The following MBTPS1 variants were observed in gnomAD, a reference collection of about 807,000 sequenced individuals.
The protein encoded by MBTPS1 is membrane-bound transcription factor site-1 protease.
Under a neutral mutation model 127.8 loss-of-function variants are expected in MBTPS1, and 94 were observed. The observed-to-expected ratio is 0.74, with a 90% CI of 0.62 to 0.87. The LOEUF (loss-of-function observed/expected upper bound fraction) is 0.87. MBTPS1 is among the 40% of genes least tolerant of loss of function. The probability of loss-of-function intolerance (pLI) is 0.00; values close to 1 mark genes in which losing one functional copy is unlikely to be tolerated. For synonymous variants in MBTPS1, 632 were observed against 509.4 expected, an observed-to-expected ratio of 1.24 and a Z score of -3.24; for missense variants, 1,636 against 1,353.2, an observed-to-expected ratio of 1.21 and a Z score of -3.28.
At chr16:84,066,646 G>A (rs763294386) in intron 16 of MBTPS1, 33 bp from the exon 17 acceptor site, 1 of 1,611,082 alleles carries the variant, frequency 6.2e-7, no homozygotes, top group Non-Finnish European at 8.5e-7. Flanking sequence ...ACAGGGAACA[G>A]GGAATGAAGA....
chr16:84,084,840 A>G, intron 10 of MBTPS1, 143 bp downstream of exon 10: 1 of 732,442 alleles, frequency 1.4e-6, no homozygotes, highest in Non-Finnish European at 2.2e-6. Context: ...AGAGATGAAG[A>G]AGGAGAGACA....
intron 18 of MBTPS1, among the ~76,000 whole-genome samples, chr16:84,063,845 C>A (rs2085646699): frequency 6.6e-6 from 1 of 152,188 alleles, no homozygotes; most frequent in South Asian, 2.1e-4. Flanking sequence ...TCTTGCTAAA[C>A]ACACAGGTTT....
chr16:84,106,335 A>C (rs2086323346), intron 1 of MBTPS1, among the ~76,000 whole-genome samples: 1 of 152,120 alleles, frequency 6.6e-6, no homozygotes, highest in Non-Finnish European at 1.5e-5. Flanking sequence ...AAACACAAAG[A>C]AAAGGAATAT....
chr16:84,101,597 T>C (rs2086256474), intron 2 of MBTPS1, 24 bp downstream of exon 2: 2 of 1,582,838 alleles, frequency 1.3e-6, no homozygotes, highest in Non-Finnish European at 1.7e-6. Flanking sequence ...TGGGAGTTCC[T>C]AATACTTAAG....
At chr16:84,098,406 T>C (rs192291357) in intron 3 of MBTPS1, among the ~76,000 whole-genome samples, 2 of 151,654 alleles carry the variant, frequency 1.3e-5, no homozygotes, top group East Asian at 3.9e-4. Context: ...AGGTCAGGAG[T>C]TCAAGACCAG....
At chr16:84,099,344 T>A in intron 2 of MBTPS1, 34 bp from the exon 3 acceptor site, 1 of 1,603,374 alleles carries the variant, frequency 6.2e-7, no homozygotes, top group East Asian at 2.2e-5. Context: ...AAATAAGATT[T>A]ACGCACATAC....
chr16:84,089,926 A>C (rs148882419), intron 8 of MBTPS1, among the ~76,000 whole-genome samples: 1 of 152,342 alleles, frequency 6.6e-6, no homozygotes, highest in East Asian at 1.9e-4. Context: ...GGTGTTTGTC[A>C]TGGCAGAGCT....
chr16:84,100,144 G>A (rs970783942), intron 2 of MBTPS1, among the ~76,000 whole-genome samples: 1 of 152,224 alleles, frequency 6.6e-6, no homozygotes, highest in Non-Finnish European at 1.5e-5. Context: ...GGGCACAGTG[G>A]CTCATGCCTA....
At chr16:84,097,810 T>C (rs1220336099) in intron 3 of MBTPS1, among the ~76,000 whole-genome samples, 1 of 151,444 alleles carries the variant, frequency 6.6e-6, no homozygotes, top group African/African-American at 2.4e-5. Flanking sequence ...TTACACCTGG[T>C]TTTACTATGA....
chr16:84,093,204 AC>A lies in MBTPS1; in HGVS notation c.829del (p.Val277SerfsTer22), dbSNP rs2086133638. ...AACACCTACCTGATTATTGGTAAAGACCCTGAAAATGTGAAGTTCTGCATCT... is the reference window on the plus strand; with the variant it reads ...AACACCTACCTGATTATTGGTAAAGACCTGAAAATGTGAAGTTCTGCATCT... ...APDAELHIFRVFTNNQVSYTS... is the reference protein window; with the variant it reads ...APDAELHIFRXFTNNQVSYTS... On this transcript the variant is annotated frameshift_variant, in exon 6 of 23. Coordinates refer to ENST00000343411, the MANE Select transcript of MBTPS1 (RefSeq NM_003791.4). LOFTEE classifies it high-confidence loss of function. 6.2e-7 allele frequency: 1 copy of A among 1,611,826 alleles called. No individual in the cohort carries two copies.
At chr16:84,083,600 G>C (rs1230326747) in intron 10 of MBTPS1, among the ~76,000 whole-genome samples, 1 of 151,998 alleles carries the variant, frequency 6.6e-6, no homozygotes, top group East Asian at 1.9e-4. Flanking sequence ...CAAGTATCTA[G>C]CTTTATTAAG....
At chr16:84,105,845 C>G (rs114784438) in intron 1 of MBTPS1, among the ~76,000 whole-genome samples, 1 of 152,108 alleles carries the variant, frequency 6.6e-6, no homozygotes, top group Non-Finnish European at 1.5e-5. Context: ...CTACTAAAAG[C>G]CAGGCACTGT....
In MBTPS1 at chr16:84,070,322, C is replaced by G. The variant is rs1229198107; in HGVS notation, c.1782+266G>C. On this transcript the variant is annotated intron_variant, in intron 13 of 22. Transcript: ENST00000343411. ...TTAGAGAATGTATATTTTTGGTGCA[C>G]TCCTTTTGAGCTTGAAATCTGGTAG... Among the ~76,000 whole-genome samples the G allele has an allele frequency of 3.3e-5, 5 of 152,198 alleles. No individual in the cohort carries two copies. In the East Asian group the frequency reaches 9.6e-4, roughly 29 times the overall value.
At chr16:84,100,609 T>C (rs1229814779) in intron 2 of MBTPS1, among the ~76,000 whole-genome samples, 1 of 151,878 alleles carries the variant, frequency 6.6e-6, no homozygotes, top group Non-Finnish European at 1.5e-5. Flanking sequence ...GTGCCTGTAG[T>C]CCCAGCTACT....
At chr16:84,066,733 G>A in intron 16 of MBTPS1, 120 bp from the exon 17 acceptor site, 1 of 972,444 alleles carries the variant, frequency 1.0e-6, no homozygotes, top group South Asian at 1.8e-5. Context: ...CCACACTAAG[G>A]CTTCAACTGA....
At chr16:84,108,572 A>G (rs1486423512) in intron 1 of MBTPS1, among the ~76,000 whole-genome samples, 1 of 152,182 alleles carries the variant, frequency 6.6e-6, no homozygotes, top group African/African-American at 2.4e-5. Context: ...CAGCCCAAGA[A>G]AAGCACTTTC....
At chr16:84,097,784 G>C (rs182777992) in intron 3 of MBTPS1, among the ~76,000 whole-genome samples, 16 of 152,060 alleles carry the variant, frequency 1.1e-4, no homozygotes, top group Non-Finnish European at 1.5e-4. Context: ...CTCTGAAAAA[G>C]TCAGACGCCT....
intron 10 of MBTPS1, among the ~76,000 whole-genome samples, chr16:84,084,035 C>T (rs2085981958): frequency 6.6e-6 from 1 of 152,248 alleles, no homozygotes; most frequent in African/African-American, 2.4e-5. Flanking sequence ...TCTCAGTTCA[C>T]TGCAGCCTCC....
intron 11 of MBTPS1, among the ~76,000 whole-genome samples, chr16:84,078,630 C>T (rs1432269038): frequency 1.3e-5 from 2 of 152,140 alleles, no homozygotes; most frequent in East Asian, 3.8e-4. Context: ...TTTATAATTA[C>T]AAAATACTGG....
Sources: gnomAD v4.1 joint callset for allele counts (sites outside exome capture counted in the v4.1 genomes callset) on GRCh38, gnomAD v4.1.1 for gene constraint, MANE v1.5 for transcripts, NCBI Gene and HGNC (gene_info 2026-07-23, HGNC 2026-07-21) for gene names.